Variants in EYS observed in about 807,000 individuals in gnomAD.
The protein encoded by EYS is EGF-like photoreceptor maintenance factor, also known as protein eyes shut homolog.
EYS carries 250 observed loss-of-function variants against 282.1 expected under a neutral mutation model. The ratio of observed to expected loss-of-function variants is 0.89; its 90% CI spans 0.80 to 0.98. The LOEUF (loss-of-function observed/expected upper bound fraction) is 0.98. Among genes scored for constraint, EYS ranks in the 50% least tolerant of loss-of-function variants. The pLI is 0.00. For synonymous variants in EYS, 1,355 were observed against 1,282.9 expected (o/e 1.06, Z -1.20); for missense variants, 4,016 against 3,709.0 (o/e 1.08, Z -2.15).
chr6:64,109,570 C>T (rs1192484637), intron 31 of EYS, among the ~76,000 whole-genome samples: 1 of 152,080 alleles, frequency 6.6e-6, no homozygotes, highest in Admixed American at 6.6e-5. Context: ...GAATAAATGA[C>T]TACCAACTGT....
At chr6:65,273,164 CTGAA>C (rs1767949990) in intron 12 of EYS, among the ~76,000 whole-genome samples, 4 of 152,122 alleles carry the variant, frequency 2.6e-5, no homozygotes, top group Admixed American at 2.6e-4. Context: ...TTTAAAATAT[CTGAA>C]TGGTTTATTT....
intron 22 of EYS, among the ~76,000 whole-genome samples, chr6:64,722,757 T>C (rs1351422422): frequency 6.6e-6 from 1 of 152,166 alleles, no homozygotes; most frequent in Non-Finnish European, 1.5e-5. Flanking sequence ...GCCATTAACA[T>C]CTTGTAACTA....
intron 9 of EYS, among the ~76,000 whole-genome samples, chr6:65,348,972 T>C (rs1770500806): frequency 6.6e-6 from 1 of 151,652 alleles, no homozygotes; most frequent in East Asian, 1.9e-4. Context: ...CTAATATTTT[T>C]ATACTTTCTT....
At position 65,015,985 on chromosome 6, in the gene EYS, C is replaced by G. The variant is rs944738380; in HGVS notation, c.2138-18282G>C. 3.4e-5 allele frequency among the ~76,000 whole-genome samples: 5 copies of G among 148,672 alleles called. No individual in the cohort carries two copies. In the Admixed American group the frequency reaches 3.4e-4, roughly 10 times the overall value. ...TCTTGAACCCAGGAGGCAGATGTTG[C>G]AGGGAGCTGAGATTGTGCCACTGCA... On this transcript the variant is annotated intron_variant, in intron 13 of 42. Coordinates refer to ENST00000503581, the MANE Select transcript of EYS (RefSeq NM_001142800.2).
intron 32 of EYS, among the ~76,000 whole-genome samples, chr6:64,069,061 A>G (rs1300583413): frequency 6.6e-6 from 1 of 152,078 alleles, no homozygotes; most frequent in Non-Finnish European, 1.5e-5. Flanking sequence ...AAGCTACAGA[A>G]TGCTGACAGC....
intron 22 of EYS, among the ~76,000 whole-genome samples, chr6:64,701,813 C>T (rs1217410192): frequency 6.6e-6 from 1 of 151,848 alleles, no homozygotes; most frequent in Non-Finnish European, 1.5e-5. Flanking sequence ...CACAAAGCTG[C>T]TCTCACAGCC....
At chr6:64,963,476 T>C (rs1250796265) in intron 14 of EYS, among the ~76,000 whole-genome samples, 1 of 152,164 alleles carries the variant, frequency 6.6e-6, no homozygotes, top group Non-Finnish European at 1.5e-5. Flanking sequence ...ATCCAACGAC[T>C]TGAATATTGT....
chr6:64,092,379 G>T (rs1254742005), intron 31 of EYS, among the ~76,000 whole-genome samples: 1 of 152,172 alleles, frequency 6.6e-6, no homozygotes, highest in Non-Finnish European at 1.5e-5. Flanking sequence ...CAGAGTAAAA[G>T]TGTTCCTATT....
chr6:65,230,236 C>T (rs1359752509), intron 12 of EYS, among the ~76,000 whole-genome samples: 1 of 151,852 alleles, frequency 6.6e-6, no homozygotes, highest in Non-Finnish European at 1.5e-5. Flanking sequence ...CCATTTTTTA[C>T]TTTCATGTGA....
intron 15 of EYS, 79 bp downstream of exon 15, chr6:64,945,714 A>C: frequency 2.3e-6 from 3 of 1,283,478 alleles, no homozygotes; most frequent in Non-Finnish European, 3.2e-6. Context: ...TCTAAAGTGA[A>C]AATAATGTCT....
At chr6:64,891,539 T>A (rs1441374170) in intron 18 of EYS, among the ~76,000 whole-genome samples, 1 of 152,048 alleles carries the variant, frequency 6.6e-6, no homozygotes, top group Non-Finnish European at 1.5e-5. Flanking sequence ...TCTGAAAAGA[T>A]CCTCATCAAA....
intron 11 of EYS, among the ~76,000 whole-genome samples, chr6:65,313,169 T>C (rs1411689012): frequency 6.6e-6 from 1 of 152,108 alleles, no homozygotes; most frequent in Non-Finnish European, 1.5e-5. Flanking sequence ...GCTGGTGAGA[T>C]ATTATGTTGG....
At chr6:64,081,236 T>C (rs1452148385) in intron 32 of EYS, among the ~76,000 whole-genome samples, 1 of 152,130 alleles carries the variant, frequency 6.6e-6, no homozygotes, top group Non-Finnish European at 1.5e-5. Context: ...AGAAAACAAT[T>C]GTCAAATTTT....
At chr6:64,881,346 A>G (rs927796616) in intron 19 of EYS, among the ~76,000 whole-genome samples, 46 of 151,878 alleles carry the variant, frequency 3.0e-4, no homozygotes, top group Non-Finnish European at 5.5e-4. Context: ...ATGTTGTATA[A>G]CAGATTCACT....
At chr6:64,887,025 A>G (rs1767113065) in intron 18 of EYS, among the ~76,000 whole-genome samples, 183 bp from the exon 19 acceptor site, 1 of 151,840 alleles carries the variant, frequency 6.6e-6, no homozygotes, top group Non-Finnish European at 1.5e-5. Flanking sequence ...TTCTGCTCAA[A>G]TGTTCTTTAT....
chr6:65,236,705 G>A (rs767858707), intron 12 of EYS, among the ~76,000 whole-genome samples: 8 of 152,072 alleles, frequency 5.3e-5, no homozygotes, highest in Non-Finnish European at 1.0e-4. Context: ...TGACTTCAGT[G>A]GTACAGTTTC....
chr6:65,442,182 G>A (rs904680030), intron 5 of EYS, among the ~76,000 whole-genome samples: 1 of 151,804 alleles, frequency 6.6e-6, no homozygotes, highest in Admixed American at 6.6e-5. Context: ...CTTCATATAT[G>A]AAAATTTCTA....
At chr6:65,572,915 T>A (rs1253768278) in intron 2 of EYS, among the ~76,000 whole-genome samples, 1 of 152,160 alleles carries the variant, frequency 6.6e-6, no homozygotes, top group Admixed American at 6.6e-5. Flanking sequence ...TACATTTTTC[T>A]CCAGGCAGCT....
chr6:64,781,447 C>T (rs1179205324), intron 22 of EYS, among the ~76,000 whole-genome samples: 1 of 151,938 alleles, frequency 6.6e-6, no homozygotes, highest in Non-Finnish European at 1.5e-5. Context: ...GGCGGTGGCT[C>T]ACGCCTGTAA....
Sources: allele counts gnomAD v4.1 joint callset (sites outside exome capture counted in the v4.1 genomes callset), GRCh38; gene constraint gnomAD v4.1.1; transcripts MANE v1.5; gene names NCBI Gene and HGNC (gene_info 2026-07-23, HGNC 2026-07-21).